Variants in KCNK3 observed in about 807,000 individuals in gnomAD.
KCNK3 encodes potassium channel subfamily K member 3.
A neutral mutation model predicts 27.3 loss-of-function variants in KCNK3; 9 were observed. That is an observed-to-expected ratio of 0.33 (90% CI 0.20 to 0.57). The LOEUF (loss-of-function observed/expected upper bound fraction) is 0.57, where lower values mean the gene tolerates loss of function less well. Among genes scored for constraint, KCNK3 ranks in the 20% least tolerant of loss-of-function variants. KCNK3 has a pLI of 0.87. For missense variants in KCNK3, 391 were observed against 577.7 expected, an observed-to-expected ratio of 0.68 and a Z score of 3.31; for synonymous variants, 278 against 273.8, an observed-to-expected ratio of 1.02 and a Z score of -0.15.
intron 1 of KCNK3, among the ~76,000 whole-genome samples, chr2:26,698,398 T>C (rs1211972285): frequency 6.6e-6 from 1 of 152,212 alleles, no homozygotes; most frequent in African/African-American, 2.4e-5. Flanking sequence ...TGCCACTAGC[T>C]GTATGTCCTT....
At chr2:26,711,827 G>C (rs1453324621) in intron 1 of KCNK3, among the ~76,000 whole-genome samples, 1 of 152,194 alleles carries the variant, frequency 6.6e-6, no homozygotes, top group Non-Finnish European at 1.5e-5. Context: ...ATAAAGTCAA[G>C]TGCAGAGAAA....
At chr2:26,701,582 G>A (rs1437854865) in intron 1 of KCNK3, among the ~76,000 whole-genome samples, 1 of 152,238 alleles carries the variant, frequency 6.6e-6, no homozygotes, top group Non-Finnish European at 1.5e-5. Context: ...TCATCAGCCT[G>A]TCTTAGTTTG....
chr2:26,697,749 G>A (rs1670253437), intron 1 of KCNK3, among the ~76,000 whole-genome samples: 1 of 152,038 alleles, frequency 6.6e-6, no homozygotes, highest in South Asian at 2.1e-4. Context: ...TCGCTGATGG[G>A]GCTGGGGCAG....
chr2:26,728,557 A>G lies in KCNK3; in HGVS notation c.1174A>G (p.Ser392Gly). Residue 392 changes from serine (S) to glycine (G), a missense_variant, in exon 2 of 2, where the codon AGC (serine) becomes GGC (glycine). Physicochemically the swap from Ser to Gly is moderately conservative, Grantham distance 56. Transcript: ENST00000302909. ...STFRGLMKRR[S>G]SV ...CTTCCGCGGCCTCATGAAGCGCAGG[A>G]GCTCCGTGTGACTGCCCCGAGGGGC... 1 of 1,451,946 alleles carries G rather than the reference A, an allele frequency of 6.9e-7. No individual in the cohort carries two copies. The highest frequency in any genetic ancestry group is 9.1e-7 in the Non-Finnish European group (1 of 1,101,912). The allele number at this position is 1,451,946 out of a possible 1,614,324, so 89.9% of individuals were successfully genotyped here. A position where few individuals can be genotyped will look rare whatever the true frequency, so the allele number is the denominator to read the frequency against.
intron 1 of KCNK3, among the ~76,000 whole-genome samples, chr2:26,712,444 GA>G (rs1663135347): frequency 5.9e-5 from 9 of 152,294 alleles, no homozygotes; most frequent in African/African-American, 2.2e-4. Flanking sequence ...CTTGGCTGGA[GA>G]GAAGGGAGGC....
chr2:26,696,060 G>A (rs1297728085), intron 1 of KCNK3, among the ~76,000 whole-genome samples: 1 of 152,202 alleles, frequency 6.6e-6, no homozygotes, highest in Non-Finnish European at 1.5e-5. Context: ...CCAAACCCAA[G>A]GGCAGCAGCC....
intron 1 of KCNK3, among the ~76,000 whole-genome samples, chr2:26,710,325 G>A (rs932240999): frequency 2.0e-5 from 3 of 152,234 alleles, no homozygotes; most frequent in Non-Finnish European, 2.9e-5. Context: ...AGGCAGCCAG[G>A]AGCGAGCTGG....
chr2:26,707,135 AAG>A (rs1670385243), intron 1 of KCNK3, among the ~76,000 whole-genome samples: 1 of 152,184 alleles, frequency 6.6e-6, no homozygotes, highest in Admixed American at 6.5e-5. Context: ...CCTTGCTGGA[AAG>A]AGAGCATTCT....
chr2:26,728,489 C>A lies in KCNK3; in HGVS notation c.1106C>A (p.Ser369Tyr). 1 of 1,537,776 alleles carries A rather than the reference C, an allele frequency of 6.5e-7. No homozygotes were observed. The change falls in exon 2 of 2, where the codon TCC becomes TAC. Residue 369 changes from serine (S) to tyrosine (Y), a missense_variant. By Grantham distance (144) the Ser-to-Tyr change is moderately radical. Transcript: ENST00000302909. Reference protein sequence around the residue: ...RRCLCSGAPRSAISSVSTGLH... With the variant: ...RRCLCSGAPRYAISSVSTGLH... ...TGCCTGTGCAGCGGGGCGCCACGCT[C>A]CGCCATCAGCTCGGTGTCCACGGGT...
In KCNK3 at chr2:26,704,760, T is replaced by A. The variant is rs374860142; in HGVS notation, c.283+11602T>A. ...AGTTCCAGGCAGGGCAAGCCTCCGA[T>A]CAACGCAACAGATGGATCTGCCCTG... On this transcript the variant is annotated intron_variant, in intron 1 of 1. Coordinates refer to ENST00000302909, the MANE Select transcript of KCNK3 (RefSeq NM_002246.3). Among the ~76,000 whole-genome samples the A allele has an allele frequency of 2.2e-4, 33 of 152,304 alleles. No homozygotes were observed. The East Asian group carries it at 5.4e-3, about 25-fold the overall frequency.
At chr2:26,704,264 C>T (rs547961001) in intron 1 of KCNK3, among the ~76,000 whole-genome samples, 1 of 152,234 alleles carries the variant, frequency 6.6e-6, no homozygotes, top group East Asian at 1.9e-4. Flanking sequence ...GCAGGAGCAC[C>T]GGGACGGTGC....
chr2:26,720,628 G>T (rs1663311113), intron 1 of KCNK3, among the ~76,000 whole-genome samples: 1 of 152,174 alleles, frequency 6.6e-6, no homozygotes, highest in South Asian at 2.1e-4. Flanking sequence ...TGGATGGGAG[G>T]CAGCTCAAGG....
chr2:26,727,989 C>T lies in KCNK3; in HGVS notation c.606C>T (p.Phe202=). The T allele has an allele frequency of 1.2e-6, 2 of 1,614,260 alleles. No individual in the cohort carries two copies. The highest frequency in any genetic ancestry group is 1.7e-6 in the Non-Finnish European group (2 of 1,180,046). The change falls in exon 2 of 2, where the codon TTC becomes TTT. Residue 202 remains phenylalanine (F), a synonymous_variant. Transcript: ENST00000302909. ...TCATCACCCTCACCACCATCGGCTT[C>T]GGCGACTACGTGGCGCTGCAGAAGG... ...YCFITLTTIG[F]GDYVALQKDQ... is the part of the protein sequence containing the mutation.
At chr2:26,712,781 A>G (rs1663149228) in intron 1 of KCNK3, among the ~76,000 whole-genome samples, 1 of 151,966 alleles carries the variant, frequency 6.6e-6, no homozygotes, top group South Asian at 2.1e-4. Context: ...GGTCCCCAGC[A>G]GCTGCCTCCA....
intron 1 of KCNK3, among the ~76,000 whole-genome samples, chr2:26,719,364 C>T (rs943043595): frequency 6.6e-6 from 1 of 152,184 alleles, no homozygotes; most frequent in African/African-American, 2.4e-5. Flanking sequence ...GACCTTAACA[C>T]ATCATGTGTC....
intron 1 of KCNK3, among the ~76,000 whole-genome samples, chr2:26,696,032 G>T (rs888276746): frequency 6.6e-6 from 1 of 152,214 alleles, no homozygotes; most frequent in Non-Finnish European, 1.5e-5. Context: ...AGGGGCCTTA[G>T]TTAGGCTGAT....
intron 1 of KCNK3, among the ~76,000 whole-genome samples, chr2:26,710,361 G>A (rs1445465522): frequency 6.6e-6 from 1 of 152,198 alleles, no homozygotes; most frequent in Non-Finnish European, 1.5e-5. Context: ...TTATCCTGAT[G>A]GGTCAAGAAG....
chr2:26,728,949 A>G lies in KCNK3; in HGVS notation c.*381A>G, dbSNP rs1663485674. On this transcript the variant is annotated 3_prime_UTR_variant, in exon 2 of 2. Coordinates refer to ENST00000302909, the MANE Select transcript of KCNK3 (RefSeq NM_002246.3). ...ATGTTCCGTGTACGTTTGCATCTCT[A>G]TTTATACCTCTGTCCTGCTAGGTCT... 1.6e-5 allele frequency: 3 copies of G among 192,162 alleles called. No homozygotes were observed. In the Admixed American group the frequency reaches 1.8e-4, roughly 12 times the overall value. 11.9% of individuals were successfully genotyped at this position (192,162 alleles called of 1,614,324 possible).
intron 1 of KCNK3, among the ~76,000 whole-genome samples, chr2:26,703,330 C>T (rs916096228): frequency 9.9e-5 from 15 of 152,180 alleles, no homozygotes; most frequent in African/African-American, 3.6e-4. Context: ...TCACAGCAGT[C>T]CTAGATTGGT....
Sources: gnomAD v4.1 joint callset for allele counts (sites outside exome capture counted in the v4.1 genomes callset) on GRCh38, gnomAD v4.1.1 for gene constraint, MANE v1.5 for transcripts, NCBI Gene and HGNC (gene_info 2026-07-23, HGNC 2026-07-21) for gene names.